PDE6C: variants seen among roughly 807,000 people sequenced by gnomAD.
PDE6C encodes the protein phosphodiesterase 6C.
PDE6C carries 75 observed loss-of-function variants against 113.1 expected under a neutral mutation model. The observed-to-expected ratio is 0.66, with a 90% confidence interval of 0.55 to 0.80. The LOEUF (loss-of-function observed/expected upper bound fraction) is 0.80. Ranked by LOEUF, PDE6C falls within the 30% of genes least tolerant of loss-of-function variation. PDE6C has a pLI of 0.00. For missense variants in PDE6C, 912 were observed against 1,038.6 expected (o/e 0.88, Z 1.67); for synonymous variants, 375 against 363.7 (o/e 1.03, Z -0.35).
intron 18 of PDE6C, among the ~76,000 whole-genome samples, chr10:93,660,628 G>T (rs7091068): frequency 0.84 from 128,207 of 151,930 alleles, 54,636 homozygotes; most frequent in African/African-American, 0.96. Flanking sequence ...TAAAATATTT[G>T]GGGGCAGGGT....
chr10:93,657,664 A>G (rs187785873), intron 16 of PDE6C, among the ~76,000 whole-genome samples: 9 of 152,184 alleles, frequency 5.9e-5, no homozygotes, highest in African/African-American at 1.7e-4. Context: ...TAATTAATTT[A>G]CCCAGTCTTC....
chr10:93,648,059 C>A (rs1299827212), intron 15 of PDE6C, among the ~76,000 whole-genome samples: 1 of 152,184 alleles, frequency 6.6e-6, no homozygotes, highest in Non-Finnish European at 1.5e-5. Flanking sequence ...AAACAAAATA[C>A]TGTTTTAAAA....
At chr10:93,636,549 T>C (rs57091860) in intron 10 of PDE6C, among the ~76,000 whole-genome samples, 4,638 of 152,044 alleles carry the variant, frequency 0.031, 159 homozygotes, top group African/African-American at 0.084. Flanking sequence ...GATAAGCTAA[T>C]ACAAAAATAA....
intron 14 of PDE6C, 60 bp from the exon 15 acceptor site, chr10:93,645,900 G>T: frequency 2.1e-6 from 2 of 945,996 alleles, no homozygotes; most frequent in Middle Eastern, 4.4e-4. Flanking sequence ...ATCCTGAATT[G>T]TATGAACCTA....
chr10:93,665,646 T>A lies in PDE6C; in HGVS notation c.*228T>A. 1.9e-6 allele frequency: 1 copy of A among 537,114 alleles called. No individual in the cohort carries two copies. The highest frequency in any genetic ancestry group is 3.3e-5 in the East Asian group (1 of 30,704). 33.3% of individuals were successfully genotyped at this position (537,114 alleles called of 1,614,324 possible). ...GGTACATTTTTGGTGCCAATTTATT[T>A]TAAATTAAAAAATATGCAATCCTGA... On this transcript the variant is annotated 3_prime_UTR_variant, in exon 22 of 22. Coordinates refer to ENST00000371447, the MANE Select transcript of PDE6C (RefSeq NM_006204.4).
chr10:93,631,256 G>A (rs979676336), intron 8 of PDE6C, among the ~76,000 whole-genome samples: 2 of 152,158 alleles, frequency 1.3e-5, no homozygotes, highest in African/African-American at 4.8e-5. Context: ...CCATGAAAAT[G>A]TGCTTCTCAG....
intron 19 of PDE6C, 61 bp from the exon 20 acceptor site, chr10:93,662,499 T>G: frequency 3.4e-6 from 2 of 595,084 alleles, no homozygotes; most frequent in Middle Eastern, 4.3e-4. Flanking sequence ...TCAGGACAAA[T>G]CAGTCTGTTT....
chr10:93,662,105 A>G lies in PDE6C; in HGVS notation c.2255A>G (p.Glu752Gly), dbSNP rs375320273. The stretch of plus-strand genomic sequence containing the variant: ...GAATTTTGGGAACAAGGAGATCTGG[A>G]GAGAACAGTGTTGCAGCAACAACCC... ...ANEFWEQGDL[E>G]RTVLQQQPIP... The change falls in exon 19 of 22, where the codon GAG becomes GGG. Residue 752 changes from glutamate to glycine, a missense_variant. Coordinates refer to ENST00000371447, the MANE Select transcript of PDE6C (RefSeq NM_006204.4). The G allele has an allele frequency of 6.2e-7, 1 of 1,608,958 alleles. No homozygotes were observed. Among genetic ancestry groups the G allele is most frequent in the Non-Finnish European group, 8.5e-7 (1 of 1,175,376 alleles).
Position 93,641,011 on chromosome 10 carries a change from A to G in PDE6C, c.1829A>G (p.Asn610Ser), listed in dbSNP as rs1160956775. ...CATGATATTGACCACAGAGGCACCA[A>G]TAATTTGTACCAGATGAAGTAAGTG... ...FCHDIDHRGTNNLYQMKSTSP... is the reference protein window; with the variant it reads ...FCHDIDHRGTSNLYQMKSTSP... Residue 610 changes from asparagine to serine, a missense_variant, in exon 14 of 22, where the codon AAT becomes AGT. Coordinates refer to ENST00000371447, the MANE Select transcript of PDE6C (RefSeq NM_006204.4). 9 of 1,605,050 alleles carry G rather than the reference A, an allele frequency of 5.6e-6. No individual in the cohort carries two copies. The highest frequency in any genetic ancestry group is 7.7e-6 in the Non-Finnish European group (9 of 1,171,782).
At position 93,646,040 on chromosome 10, in the gene PDE6C, A is replaced by T; in HGVS notation, c.1928A>T (p.Gln643Leu). ...HHLEYSKTLLQDESLNIFQNL... is the reference protein window; with the variant it reads ...HHLEYSKTLLLDESLNIFQNL... ...CTGGAGTACAGTAAGACTCTGTTGC[A>T]GGATGAGGTACGTAAACCTCTCTTT... is the stretch of plus-strand genomic sequence containing the variant. Residue 643 changes from glutamine (Q) to leucine (L), a missense_variant, in exon 15 of 22, where the codon CAG (glutamine) becomes CTG (leucine). Transcript: ENST00000371447. 1 of 1,571,388 alleles carries T rather than the reference A, an allele frequency of 6.4e-7. No individual in the cohort carries two copies. Among genetic ancestry groups the T allele is most frequent in the Non-Finnish European group, 8.8e-7 (1 of 1,140,880 alleles).
In PDE6C at chr10:93,613,171, C is replaced by A. The variant is rs139652451; in HGVS notation, c.446C>A (p.Thr149Lys). The A allele has an allele frequency of 6.2e-7, 1 of 1,613,798 alleles. No homozygotes were observed. Among genetic ancestry groups the A allele is most frequent in the Non-Finnish European group, 8.5e-7 (1 of 1,180,028 alleles). Reference protein sequence around the residue: ...DIGIVGWAAHTKKTHNVPDVK... With the variant: ...DIGIVGWAAHKKKTHNVPDVK... ...GGGATAGTGGGTTGGGCTGCTCACA[C>A]GAAGAAAACTCATAATGTCCCAGAT... is the stretch of plus-strand genomic sequence containing the variant. Residue 149 changes from threonine (T) to lysine (K), a missense_variant, in exon 1 of 22, where the codon ACG (threonine) becomes AAG (lysine). Transcript: ENST00000371447.
chr10:93,632,184 C>A (rs2058504946), intron 8 of PDE6C, among the ~76,000 whole-genome samples: 1 of 152,306 alleles, frequency 6.6e-6, no homozygotes, highest in Middle Eastern at 3.4e-3. Flanking sequence ...TTTTAAGGAT[C>A]CTTGTAATTA....
intron 18 of PDE6C, among the ~76,000 whole-genome samples, chr10:93,660,950 A>G (rs1417665624): frequency 4.6e-5 from 7 of 152,138 alleles, no homozygotes; most frequent in African/African-American, 1.4e-4. Flanking sequence ...ACTCCTTAAA[A>G]GGCTCATACT....
Position 93,665,586 on chromosome 10 carries a change from A to G in PDE6C, c.*168A>G, listed in dbSNP as rs1589708289. 4.9e-6 allele frequency: 3 copies of G among 607,448 alleles called. No individual in the cohort carries two copies. The highest frequency in any genetic ancestry group is 5.8e-6 in the Non-Finnish European group (2 of 343,198). 37.6% of individuals were successfully genotyped at this position (607,448 alleles called of 1,614,324 possible). ...AGCCCAAAAATCCCAGGGGCAAAAT[A>G]AAGTTCAACAAAAGTGCAAAATATG... On this transcript the variant is annotated 3_prime_UTR_variant, in exon 22 of 22. Coordinates refer to ENST00000371447, the MANE Select transcript of PDE6C (RefSeq NM_006204.4).
Position 93,626,865 on chromosome 10 carries a change from T to C in PDE6C, c.1065T>C (p.Asn355=), listed in dbSNP as rs1181155304. Reference sequence around the variant, plus strand: ...GGTTGCCAACATATGTTGCTGAAAATGGATTTGTAAGTTATTGAACAAATT... The same window carrying C: ...GGTTGCCAACATATGTTGCTGAAAACGGATTTGTAAGTTATTGAACAAATT... ...ISGLPTYVAE[N]GFICNMMNAP... is the part of the protein sequence containing the mutation. The change falls in exon 7 of 22, where the codon AAT becomes AAC. Residue 355 remains asparagine, a synonymous_variant. Transcript: ENST00000371447. 6.2e-7 allele frequency: 1 copy of C among 1,612,894 alleles called. No individual in the cohort carries two copies. The highest frequency in any genetic ancestry group is 2.2e-5 in the East Asian group (1 of 44,886).
chr10:93,664,907 C>T (rs1040261257), intron 21 of PDE6C, among the ~76,000 whole-genome samples: 1 of 152,148 alleles, frequency 6.6e-6, no homozygotes, highest in Non-Finnish European at 1.5e-5. Flanking sequence ...CTCACTCTGT[C>T]GCCCAGGCTG....
chr10:93,624,731 A>G (rs2058465408), intron 4 of PDE6C, among the ~76,000 whole-genome samples: 1 of 152,204 alleles, frequency 6.6e-6, no homozygotes, highest in Admixed American at 6.5e-5. Context: ...CATCTCTAAC[A>G]ATATGATATT....
intron 8 of PDE6C, among the ~76,000 whole-genome samples, chr10:93,632,117 A>T (rs1403487689): frequency 6.6e-6 from 1 of 151,938 alleles, no homozygotes; most frequent in African/African-American, 2.4e-5. Context: ...CATCACTCTG[A>T]CCTTGCTTTT....
At chr10:93,632,054 G>T (rs2058504274) in intron 8 of PDE6C, among the ~76,000 whole-genome samples, 1 of 152,086 alleles carries the variant, frequency 6.6e-6, no homozygotes, top group Non-Finnish European at 1.5e-5. Context: ...AGCTTCTCAG[G>T]GCCTCCCGCC....
Sources: gnomAD v4.1 joint callset for allele counts (sites outside exome capture counted in the v4.1 genomes callset) on GRCh38, gnomAD v4.1.1 for gene constraint, MANE v1.5 for transcripts, NCBI Gene and HGNC (gene_info 2026-07-23, HGNC 2026-07-21) for gene names.